ZNF366: variants seen among roughly 807,000 people sequenced by gnomAD.
ZNF366 encodes dendritic cell-specific transcript protein.
In ZNF366, 20 loss-of-function variants were observed where a neutral mutation model predicts 47.2. That is an observed-to-expected ratio of 0.42 (90% CI 0.30 to 0.62). The LOEUF (loss-of-function observed/expected upper bound fraction) is 0.62, where lower values mean the gene tolerates loss of function less well. Ranked by LOEUF, ZNF366 falls within the 20% of genes least tolerant of loss-of-function variation. The pLI, the probability that ZNF366 is intolerant of heterozygous loss-of-function variation, is 0.16. For missense variants in ZNF366, 987 were observed against 976.3 expected, an observed-to-expected ratio of 1.01 and a Z score of -0.15; for synonymous variants, 421 against 395.1, an observed-to-expected ratio of 1.07 and a Z score of -0.78.
chr5:72,500,522 A>T (rs114506526), intron 1 of ZNF366, among the ~76,000 whole-genome samples: 2,231 of 152,294 alleles, frequency 0.015, 50 homozygotes, highest in Middle Eastern at 0.054. Flanking sequence ...GAGTGCTAGG[A>T]TCCCATGATA....
At chr5:72,474,220 A>C (rs1743625806) in intron 1 of ZNF366, among the ~76,000 whole-genome samples, 1 of 152,204 alleles carries the variant, frequency 6.6e-6, no homozygotes, top group African/African-American at 2.4e-5. Flanking sequence ...TGAGATCAGG[A>C]GTTTCTGACA....
At chr5:72,448,344 C>A (rs2112316452) in intron 3 of ZNF366, among the ~76,000 whole-genome samples, 1 of 152,300 alleles carries the variant, frequency 6.6e-6, no homozygotes. Flanking sequence ...TGAAGGACAA[C>A]TGGTTCTCCA....
chr5:72,503,209 C>T (rs1744249866), intron 1 of ZNF366, among the ~76,000 whole-genome samples: 4 of 152,146 alleles, frequency 2.6e-5, no homozygotes, highest in Admixed American at 2.6e-4. Context: ...TTCTAGAACA[C>T]TGATCATTAT....
At chr5:72,498,742 G>A (rs10065019) in intron 1 of ZNF366, among the ~76,000 whole-genome samples, 28,810 of 152,170 alleles carry the variant, frequency 0.19, 2,884 homozygotes, top group East Asian at 0.38. Flanking sequence ...ATAACAACCA[G>A]TGATTTTGGG....
Position 72,447,368 on chromosome 5 carries a change from T to C in ZNF366, c.1574A>G (p.His525Arg). The change falls in exon 4 of 5, where the codon CAC becomes CGC. Residue 525 changes from histidine (H) to arginine (R), a missense_variant. Physicochemically the swap from His to Arg is conservative, Grantham distance 29. Around this residue, in one of 3 missense-constraint regions of ZNF366, gnomAD observed 111 missense variants for 180.5 expected, o/e 0.61. Transcript: ENST00000318442. ...GAAGGGTTTGCTGTCTGAGTGCAGG[T>C]GCATGTGGCCCATCAGGTTGTGCAT... ...NRMHNLMGHM[H>R]LHSDSKPFKC... The C allele has an allele frequency of 6.2e-7, 1 of 1,614,206 alleles. No individual in the cohort carries two copies. The highest frequency in any genetic ancestry group is 1.1e-5 in the South Asian group (1 of 91,080).
chr5:72,452,118 G>T (rs574351738), intron 3 of ZNF366, among the ~76,000 whole-genome samples: 4 of 152,238 alleles, frequency 2.6e-5, no homozygotes, highest in Non-Finnish European at 5.9e-5. Flanking sequence ...GGAAGCCTGT[G>T]TTTTCCTATT....
chr5:72,490,981 C>G (rs546468845), intron 1 of ZNF366, among the ~76,000 whole-genome samples: 1 of 152,216 alleles, frequency 6.6e-6, no homozygotes, highest in African/African-American at 2.4e-5. Context: ...TTTCCCTGAC[C>G]TGTGGACTCT....
rs1222952846 is a variant in ZNF366 at position 72,442,740 on chromosome 5, A to T, written c.*1016T>A. On this transcript the variant is annotated 3_prime_UTR_variant, in exon 5 of 5. Coordinates refer to ENST00000318442, the MANE Select transcript of ZNF366 (RefSeq NM_152625.3). ...GCGTGATCTCAGCTCAGCTCACTGC[A>T]ATCTCCACTGCCTGGGTTCAAACGA... The T allele has an allele frequency of 2.0e-5, 3 of 148,448 alleles. No homozygotes were observed. In the Admixed American group the frequency reaches 2.1e-4, roughly 10 times the overall value. The allele number at this position is 148,448 out of a possible 1,614,324, so 9.2% of individuals were successfully genotyped here.
intron 2 of ZNF366, among the ~76,000 whole-genome samples, chr5:72,456,947 C>T (rs777860811): frequency 4.6e-5 from 7 of 151,958 alleles, no homozygotes; most frequent in Non-Finnish European, 7.4e-5. Flanking sequence ...CAATATGAGT[C>T]CATAATCCAG....
rs1362405444 is a variant in ZNF366 at position 72,461,292 on chromosome 5, C to G, written c.205G>C (p.Gly69Arg). ...CTAGACCCTGCTCCTTCGAAGACCC[C>G]GGGGAACCCATCTAGGTCTCCTGGG... ...PPPGDLDGFP[G>R]VFEGAGSRKR... Residue 69 changes from glycine (G) to arginine (R), a missense_variant, in exon 2 of 5, where the codon GGG becomes CGG. Gly to Arg is a moderately radical substitution (Grantham distance 125, BLOSUM62 -2). Transcript: ENST00000318442. The G allele has an allele frequency of 1.2e-6, 2 of 1,613,920 alleles. No homozygotes were observed. The highest frequency in any genetic ancestry group is 1.7e-6 in the Non-Finnish European group (2 of 1,180,024).
At chr5:72,453,602 T>C (rs527679257) in intron 3 of ZNF366, among the ~76,000 whole-genome samples, 8 of 152,226 alleles carry the variant, frequency 5.3e-5, no homozygotes, top group Non-Finnish European at 1.0e-4. Flanking sequence ...CACGCCACCA[T>C]GTGACCTGGA....
At chr5:72,503,235 C>A (rs969216303) in intron 1 of ZNF366, among the ~76,000 whole-genome samples, 20 of 152,260 alleles carry the variant, frequency 1.3e-4, no homozygotes, top group African/African-American at 4.3e-4. Context: ...GATTGCTCAA[C>A]CGGCTAGGAC....
intron 1 of ZNF366, among the ~76,000 whole-genome samples, chr5:72,462,945 C>T (rs543346833): frequency 7.9e-5 from 12 of 152,364 alleles, no homozygotes; most frequent in Middle Eastern, 3.4e-3. Flanking sequence ...CCCAAGTCCT[C>T]TGAGTTTGAG....
At chr5:72,487,428 C>A (rs1743913321) in intron 1 of ZNF366, among the ~76,000 whole-genome samples, 1 of 152,126 alleles carries the variant, frequency 6.6e-6, no homozygotes, top group African/African-American at 2.4e-5. Flanking sequence ...AAATGTGGTT[C>A]CCTAACAACT....
intron 1 of ZNF366, among the ~76,000 whole-genome samples, chr5:72,496,012 G>A (rs7721377): frequency 0.32 from 47,861 of 151,406 alleles, 9,066 homozygotes; most frequent in African/African-American, 0.53. Flanking sequence ...ATAGCACTCT[G>A]TAGAATTAAA....
chr5:72,491,960 TGGA>T (rs1251534361), intron 1 of ZNF366, among the ~76,000 whole-genome samples: 4 of 152,050 alleles, frequency 2.6e-5, no homozygotes, highest in African/African-American at 7.3e-5. Context: ...ATGGTGGTGG[TGGA>T]GGAGTGTTCT....
chr5:72,464,738 A>C (rs975667860), intron 1 of ZNF366, among the ~76,000 whole-genome samples: 1 of 152,236 alleles, frequency 6.6e-6, no homozygotes, highest in African/African-American at 2.4e-5. Flanking sequence ...ACACTAGAAT[A>C]AAATCAGAAA....
At chr5:72,492,222 AG>A (rs1215917794) in intron 1 of ZNF366, among the ~76,000 whole-genome samples, 2 of 152,330 alleles carry the variant, frequency 1.3e-5, no homozygotes, top group Admixed American at 1.3e-4. Context: ...TATAGGTGAC[AG>A]GGAAGCGTAT....
chr5:72,493,344 T>A (rs577072516), intron 1 of ZNF366, among the ~76,000 whole-genome samples: 1 of 152,348 alleles, frequency 6.6e-6, no homozygotes, highest in South Asian at 2.1e-4. Flanking sequence ...CCTTATCTTG[T>A]CAATGAGGAA....
Sources: allele counts gnomAD v4.1 joint callset (sites outside exome capture counted in the v4.1 genomes callset), GRCh38; gene constraint gnomAD v4.1.1; regional missense constraint gnomAD v4.1.1; transcripts MANE v1.5; gene names NCBI Gene and HGNC (gene_info 2026-07-23, HGNC 2026-07-21).